AK4: variants seen among roughly 807,000 people sequenced by gnomAD.
AK4 encodes adenylate kinase 4.
AK4 carries 13 observed loss-of-function variants against 24.6 expected under a neutral mutation model. The observed-to-expected ratio is 0.53, with a 90% CI of 0.34 to 0.84. AK4 has a LOEUF of 0.84. AK4 is among the 40% of genes least tolerant of loss of function. The pLI is 0.01. For missense variants in AK4, 192 were observed against 288.2 expected, an observed-to-expected ratio of 0.67 and a Z score of 2.42; for synonymous variants, 88 against 107.0, an observed-to-expected ratio of 0.82 and a Z score of 1.10.
intron 3 of AK4, 105 bp from the exon 4 acceptor site, chr1:65,224,647 G>A: frequency 5.0e-6 from 4 of 793,906 alleles, no homozygotes; most frequent in Admixed American, 4.0e-5. Flanking sequence ...AATTCATCAT[G>A]TGGTAGGAGT....
intron 2 of AK4, among the ~76,000 whole-genome samples, chr1:65,209,060 G>T (rs1570130401): frequency 6.6e-6 from 1 of 152,198 alleles, no homozygotes; most frequent in South Asian, 2.1e-4. Flanking sequence ...GATTCTGGAA[G>T]AAATTTAAAA....
intron 1 of AK4, chr1:65,154,538 C>G: frequency 1.9e-6 from 1 of 526,056 alleles, no homozygotes; most frequent in South Asian, 1.4e-5. Flanking sequence ...GGTTCTCGCT[C>G]TTGTCGCGTC....
intron 2 of AK4, among the ~76,000 whole-genome samples, chr1:65,193,160 G>T (rs940502989): frequency 1.3e-5 from 2 of 152,156 alleles, no homozygotes; most frequent in Non-Finnish European, 2.9e-5. Context: ...TTTCTGCCTG[G>T]GCCTACCAGG....
intron 2 of AK4, among the ~76,000 whole-genome samples, chr1:65,215,712 G>A (rs767959668): frequency 6.6e-6 from 1 of 152,162 alleles, no homozygotes; most frequent in African/African-American, 2.4e-5. Context: ...TTCTTGCTGA[G>A]TTCAGCCTAT....
intron 1 of AK4, among the ~76,000 whole-genome samples, chr1:65,187,377 C>T (rs1651137507): frequency 6.7e-6 from 1 of 149,674 alleles, no homozygotes; most frequent in African/African-American, 2.5e-5. Context: ...AAGAAGTGTC[C>T]AGGGTAGGCA....
chr1:65,181,632 C>T (rs950051069), intron 1 of AK4, among the ~76,000 whole-genome samples: 2 of 152,188 alleles, frequency 1.3e-5, no homozygotes, highest in African/African-American at 4.8e-5. Flanking sequence ...AAGTGATCTG[C>T]CTGTCTTGGC....
intron 2 of AK4, among the ~76,000 whole-genome samples, chr1:65,192,438 C>T (rs933004610): frequency 6.6e-6 from 1 of 152,178 alleles, no homozygotes; most frequent in Non-Finnish European, 1.5e-5. Flanking sequence ...GCTCCATCTC[C>T]CATAACATTT....
chr1:65,151,257 G>A (rs900289887), intron 1 of AK4, among the ~76,000 whole-genome samples: 21 of 152,074 alleles, frequency 1.4e-4, no homozygotes, highest in African/African-American at 5.1e-4. Flanking sequence ...GTGAGCCACC[G>A]CACCTGACCT....
intron 2 of AK4, among the ~76,000 whole-genome samples, chr1:65,191,813 A>G (rs1651317424): frequency 2.0e-5 from 3 of 152,130 alleles, no homozygotes; most frequent in Admixed American, 2.0e-4. Context: ...TGGGGCATGG[A>G]GGAGAGTTGT....
chr1:65,171,807 C>T (rs1372174947), intron 1 of AK4, among the ~76,000 whole-genome samples: 1 of 151,566 alleles, frequency 6.6e-6, no homozygotes, highest in African/African-American at 2.4e-5. Context: ...GTGGCTCATG[C>T]CTATAATCCC....
chr1:65,177,980 G>A (rs1284701549), intron 1 of AK4, among the ~76,000 whole-genome samples: 2 of 151,972 alleles, frequency 1.3e-5, no homozygotes, highest in Admixed American at 1.3e-4. Flanking sequence ...TTCATTTGTT[G>A]AGAAGGGTTT....
rs965441568 is a variant in AK4 at position 65,231,960 on chromosome 1, G to T, written c.*5783G>T. On this transcript the variant is annotated 3_prime_UTR_variant, in exon 5 of 5. Transcript: ENST00000327299. ...ATGATGAGTCAGAGTGCTTTTCCTC[G>T]GTGGGACAGTTGCTGGCCCTCTTAA... 6.6e-6 allele frequency: 1 copy of T among 152,078 alleles called. No homozygotes were observed. Among genetic ancestry groups the T allele is most frequent in the East Asian group, 1.9e-4 (1 of 5,188 alleles). 9.4% of individuals were successfully genotyped at this position (152,078 alleles called of 1,614,324 possible). A position where few individuals can be genotyped will look rare whatever the true frequency, so the allele number is the denominator to read the frequency against.
chr1:65,172,063 G>GTATATATATATATATATATATA lies in AK4; in HGVS notation c.146-18627_146-18606dup, dbSNP rs3051712. ...GCAACAGAGAGAGACTCCATCTCAA[G>GTATATATATATATATATATATA]TATATATATATATATATATATATAT... On this transcript the variant is annotated intron_variant, in intron 1 of 4. Coordinates refer to ENST00000327299, the MANE Select transcript of AK4 (RefSeq NM_013410.4). Among the ~76,000 whole-genome samples the GTATATATATATATATATATATA allele has an allele frequency of 1.1e-3, 75 of 65,732 alleles. 4 individuals carry two copies. The highest frequency in any genetic ancestry group is 2.6e-3 in the South Asian group (3 of 1,148). 43.1% of individuals were successfully genotyped at this position (65,732 alleles called of 152,430 possible). A position where few individuals can be genotyped will look rare whatever the true frequency, so the allele number is the denominator to read the frequency against.
Position 65,180,809 on chromosome 1 carries a change from C to T in AK4, c.146-9901C>T, listed in dbSNP as rs116148429. Reference sequence around the variant, plus strand: ...CCCTTGAGATGCGTGTATGTGTGTGCGCAGGTGCGCACACACGTGTGCACT... The same window carrying T: ...CCCTTGAGATGCGTGTATGTGTGTGTGCAGGTGCGCACACACGTGTGCACT... On this transcript the variant is annotated intron_variant, in intron 1 of 4. Transcript: ENST00000327299. 4.1e-3 allele frequency among the ~76,000 whole-genome samples: 622 copies of T among 152,122 alleles called. 3 individuals are homozygous for T. Among genetic ancestry groups the T allele is most frequent in the Middle Eastern group, 6.8e-3 (2 of 294 alleles).
chr1:65,206,475 G>T (rs1444486935), intron 2 of AK4, among the ~76,000 whole-genome samples: 2 of 152,238 alleles, frequency 1.3e-5, no homozygotes, highest in African/African-American at 4.8e-5. Context: ...CAGGCCGGAC[G>T]CGGTGGCTTG....
chr1:65,229,733 G>A lies in AK4; in HGVS notation c.*3556G>A, dbSNP rs1652577741. On this transcript the variant is annotated 3_prime_UTR_variant, in exon 5 of 5. Transcript: ENST00000327299. ...TAATCTATGAAGGAAGCAAGCTCGT[G>A]TTCCTTACCTATCCTTTTGGTGTCC... 1 of 152,222 alleles carries A rather than the reference G, an allele frequency of 6.6e-6. No individual in the cohort carries two copies. The allele number at this position is 152,222 out of a possible 1,614,324, so 9.4% of individuals were successfully genotyped here. A position where few individuals can be genotyped will look rare whatever the true frequency, so the allele number is the denominator to read the frequency against.
rs545104882 is a variant in AK4, at chr1:65,220,179, AGCT to A, written c.438+1257_438+1259del. Among the ~76,000 whole-genome samples the A allele has an allele frequency of 3.6e-3, 551 of 152,334 alleles. 4 individuals carry two copies. The highest frequency in any genetic ancestry group is 0.012 in the African/African-American group (511 of 41,582). On this transcript the variant is annotated intron_variant, in intron 3 of 4. Coordinates refer to ENST00000327299, the MANE Select transcript of AK4 (RefSeq NM_013410.4). ...TCCATGTCTTGGCATTTATGAATAA[AGCT>A]GCTCCAAATATTCACGTGCAGAGTT...
intron 1 of AK4, among the ~76,000 whole-genome samples, chr1:65,187,219 C>T (rs994954930): frequency 6.6e-5 from 10 of 151,716 alleles, no homozygotes; most frequent in African/African-American, 2.2e-4. Context: ...TGGTGGCGGG[C>T]GCCTGTAGTC....
At chr1:65,222,989 A>G (rs1463317955) in intron 3 of AK4, among the ~76,000 whole-genome samples, 1 of 151,972 alleles carries the variant, frequency 6.6e-6, no homozygotes, top group Non-Finnish European at 1.5e-5. Context: ...ATTGAAAATC[A>G]AGGTGTTTTT....
Sources: gnomAD v4.1 joint callset for allele counts (sites outside exome capture counted in the v4.1 genomes callset) on GRCh38, gnomAD v4.1.1 for gene constraint, MANE v1.5 for transcripts, NCBI Gene and HGNC (gene_info 2026-07-23, HGNC 2026-07-21) for gene names.